Variants in ARHGAP32 observed in about 807,000 individuals in gnomAD.
ARHGAP32 encodes Rho GTPase activating protein 32.
Under a neutral mutation model 186.5 loss-of-function variants are expected in ARHGAP32, and 51 were observed. That is an observed-to-expected ratio of 0.27 (90% confidence interval 0.22 to 0.35). ARHGAP32 has a LOEUF of 0.35. Ranked by LOEUF, ARHGAP32 falls within the 10% of genes least tolerant of loss-of-function variation. ARHGAP32 has a pLI of 1.00. For missense variants in ARHGAP32, 2,186 were observed against 2,623.5 expected (o/e 0.83, Z 3.64); for synonymous variants, 950 against 964.3 (o/e 0.99, Z 0.27).
chr11:128,995,060 G>C (rs1946160044), intron 12 of ARHGAP32, among the ~76,000 whole-genome samples: 1 of 151,268 alleles, frequency 6.6e-6, no homozygotes, highest in Non-Finnish European at 1.5e-5. Context: ...GAAAAAGCAA[G>C]ACAACTAAGA....
intron 5 of ARHGAP32, among the ~76,000 whole-genome samples, chr11:129,104,164 CA>C (rs1365007577): frequency 6.6e-6 from 1 of 151,432 alleles, no homozygotes; most frequent in Non-Finnish European, 1.5e-5. Flanking sequence ...AAAACCTCAC[CA>C]AAAAAAATTT....
At chr11:129,202,059 T>C (rs899214157) in intron 1 of ARHGAP32, among the ~76,000 whole-genome samples, 3 of 152,062 alleles carry the variant, frequency 2.0e-5, no homozygotes, top group Non-Finnish European at 4.4e-5. Context: ...CATATACATA[T>C]ATATATACAA....
chr11:129,266,543 G>A (rs1945403232), intron 1 of ARHGAP32, among the ~76,000 whole-genome samples: 1 of 152,118 alleles, frequency 6.6e-6, no homozygotes, highest in Non-Finnish European at 1.5e-5. Flanking sequence ...CACATTCAGA[G>A]AACTGCTGGC....
At chr11:129,201,521 CA>C (rs1189955714) in intron 1 of ARHGAP32, among the ~76,000 whole-genome samples, 1 of 152,000 alleles carries the variant, frequency 6.6e-6, no homozygotes, top group Non-Finnish European at 1.5e-5. Context: ...AAAAAATAAT[CA>C]GAAAACCCTA....
At chr11:129,033,866 T>C (rs1054023704) in intron 11 of ARHGAP32, among the ~76,000 whole-genome samples, 1 of 152,222 alleles carries the variant, frequency 6.6e-6, no homozygotes, top group African/African-American at 2.4e-5. Flanking sequence ...ATGCCACCTT[T>C]GTCATAAATC....
chr11:129,195,829 C>CG (rs1007701912), upstream of ARHGAP32, among the ~76,000 whole-genome samples: 4 of 152,166 alleles, frequency 2.6e-5, no homozygotes, highest in Non-Finnish European at 5.9e-5. Flanking sequence ...TGGTTAACAG[C>CG]GGGGGCAGGG....
At chr11:129,018,863 T>C (rs890620876) in intron 11 of ARHGAP32, among the ~76,000 whole-genome samples, 13 of 152,184 alleles carry the variant, frequency 8.5e-5, no homozygotes, top group Admixed American at 6.5e-5. Flanking sequence ...AAGTATTCTA[T>C]AGAAAAATAT....
chr11:129,069,148 G>C (rs1940791145), intron 6 of ARHGAP32, among the ~76,000 whole-genome samples: 1 of 152,006 alleles, frequency 6.6e-6, no homozygotes, highest in Non-Finnish European at 1.5e-5. Flanking sequence ...GCACAAGTTT[G>C]CCAATGTCAT....
At chr11:129,200,186 A>T (rs1944440796) in intron 1 of ARHGAP32, among the ~76,000 whole-genome samples, 1 of 152,166 alleles carries the variant, frequency 6.6e-6, no homozygotes, top group Non-Finnish European at 1.5e-5. Context: ...ATCTCAAATG[A>T]GACTCTGGAC....
intron 21 of ARHGAP32, chr11:128,973,919 T>G: frequency 3.3e-6 from 2 of 599,368 alleles, no homozygotes; most frequent in Non-Finnish European, 5.7e-6. Context: ...TTGTGAAGAT[T>G]TGAAGCAGGA....
At chr11:129,272,418 A>G (rs1315834690) in intron 1 of ARHGAP32, among the ~76,000 whole-genome samples, 1 of 152,188 alleles carries the variant, frequency 6.6e-6, no homozygotes, top group Non-Finnish European at 1.5e-5. Flanking sequence ...CATCTGCAAA[A>G]GGGGATAAAG....
rs114036074 is a variant in ARHGAP32, at chr11:129,251,398, A to G, written c.-5+27748T>C. Among the ~76,000 whole-genome samples the G allele has an allele frequency of 6.4e-3, 976 of 152,338 alleles. 12 individuals carry two copies. The highest frequency in any genetic ancestry group is 0.022 in the African/African-American group (935 of 41,570). On this transcript the variant is annotated intron_variant, in intron 1 of 6. Transcript: ENST00000525234. ...CTATAAAAAACATATGGTAGAAAAC[A>G]GTAAACTTCTAAAAATAAGCAGTCT...
chr11:129,069,456 G>A (rs1045935264), intron 6 of ARHGAP32, among the ~76,000 whole-genome samples: 1 of 151,966 alleles, frequency 6.6e-6, no homozygotes, highest in African/African-American at 2.4e-5. Flanking sequence ...CAAATTCTCA[G>A]GATATTTAGC....
intron 5 of ARHGAP32, among the ~76,000 whole-genome samples, chr11:129,111,330 T>C (rs1312818216): frequency 1.3e-5 from 2 of 152,198 alleles, no homozygotes; most frequent in East Asian, 1.9e-4. Flanking sequence ...TGCAAGTACT[T>C]TGTTAAGTAT....
chr11:129,011,053 G>A lies in ARHGAP32; in HGVS notation c.1046-12585C>T, dbSNP rs148766212. ...GAACTGCTCTAAGTCATGAGATTAC[G>A]ATGGGGAACAGGAGAGACAAGGTCC... On this transcript the variant is annotated intron_variant, in intron 11 of 22. Coordinates refer to ENST00000682385, the MANE Select transcript of ARHGAP32 (RefSeq NM_001378024.1). Among the ~76,000 whole-genome samples the A allele has an allele frequency of 3.6e-3, 552 of 152,288 alleles. 3 individuals are homozygous for A. Among genetic ancestry groups the A allele is most frequent in the Non-Finnish European group, 5.9e-3 (403 of 68,032 alleles).
chr11:129,223,985 C>A (rs978713499), intron 1 of ARHGAP32, among the ~76,000 whole-genome samples: 2 of 152,176 alleles, frequency 1.3e-5, no homozygotes, highest in Admixed American at 6.6e-5. Context: ...CAACTCAATT[C>A]ACTTGTTGGC....
chr11:129,273,689 A>G (rs975005372), intron 1 of ARHGAP32, among the ~76,000 whole-genome samples: 4 of 152,194 alleles, frequency 2.6e-5, no homozygotes, highest in Non-Finnish European at 5.9e-5. Flanking sequence ...TATTTCTCCA[A>G]TGAAAGGAGG....
chr11:129,261,563 C>T (rs1456414949), intron 1 of ARHGAP32, among the ~76,000 whole-genome samples: 2 of 152,134 alleles, frequency 1.3e-5, no homozygotes, highest in Non-Finnish European at 2.9e-5. Context: ...AAGCCTGGCC[C>T]CCATTTCGAC....
At chr11:129,217,652 G>T (rs1036397993) in intron 1 of ARHGAP32, among the ~76,000 whole-genome samples, 1 of 151,956 alleles carries the variant, frequency 6.6e-6, no homozygotes, top group Non-Finnish European at 1.5e-5. Context: ...AAAGTAAAAA[G>T]CTCAGTACTG....
Sources: gnomAD v4.1 joint callset for allele counts (sites outside exome capture counted in the v4.1 genomes callset) on GRCh38, gnomAD v4.1.1 for gene constraint, MANE v1.5 for transcripts, NCBI Gene and HGNC (gene_info 2026-07-23, HGNC 2026-07-21) for gene names.